Variants in NTM observed in about 807,000 individuals in gnomAD.
The protein encoded by NTM is neurotrimin.
A neutral mutation model predicts 42.1 loss-of-function variants in NTM; 13 were observed. The observed-to-expected ratio is 0.31, with a 90% CI of 0.20 to 0.49. NTM has a LOEUF of 0.49. Ranked by LOEUF, NTM falls within the 20% of genes least tolerant of loss-of-function variation. The pLI, the probability that NTM is intolerant of heterozygous loss-of-function variation, is 0.99. For synonymous variants in NTM, 187 were observed against 179.2 expected, an observed-to-expected ratio of 1.04 and a Z score of -0.35; for missense variants, 373 against 452.8, an observed-to-expected ratio of 0.82 and a Z score of 1.60.
At chr11:131,479,692 C>T (rs892727576) in intron 1 of NTM, among the ~76,000 whole-genome samples, 8 of 151,784 alleles carry the variant, frequency 5.3e-5, no homozygotes, top group South Asian at 2.1e-4. Context: ...AAGAAAGGGA[C>T]GATGAGGAAA....
At chr11:131,887,848 T>A (rs1286286092) in intron 1 of NTM, among the ~76,000 whole-genome samples, 1 of 152,214 alleles carries the variant, frequency 6.6e-6, no homozygotes, top group African/African-American at 2.4e-5. Context: ...ATAGCACTGT[T>A]CTAGGCACTT....
At position 131,864,422 on chromosome 11, in the gene NTM, T is replaced by G. The variant is rs1029282964; in HGVS notation, c.83-47142T>G. Among the ~76,000 whole-genome samples the G allele has an allele frequency of 3.9e-5, 6 of 152,158 alleles. No homozygotes were observed. In the South Asian group the frequency reaches 1.2e-3, roughly 32 times the overall value. On this transcript the variant is annotated intron_variant, in intron 1 of 8. Transcript: ENST00000683400. ...TCCCGCTGGACTGACTGGTTTCAATTAAGACTATCACAAAGGCTAATTATC... is the reference window on the plus strand; with the variant it reads ...TCCCGCTGGACTGACTGGTTTCAATGAAGACTATCACAAAGGCTAATTATC...
chr11:132,202,766 A>T (rs2081352099), intron 3 of NTM, among the ~76,000 whole-genome samples: 1 of 152,196 alleles, frequency 6.6e-6, no homozygotes, highest in Admixed American at 6.5e-5. Context: ...AGAGCTCATA[A>T]AGACTTCCTT....
At chr11:131,653,449 C>T (rs1432818921) in intron 1 of NTM, among the ~76,000 whole-genome samples, 1 of 152,210 alleles carries the variant, frequency 6.6e-6, no homozygotes, top group Non-Finnish European at 1.5e-5. Context: ...TCAAAACCTG[C>T]CTTTGCTTTG....
rs551189226 is a variant in NTM, at chr11:132,273,767, C to T, written c.527-33922C>T. 8.2e-4 allele frequency among the ~76,000 whole-genome samples: 125 copies of T among 152,066 alleles called. 1 individual carries two copies. Among genetic ancestry groups the T allele is most frequent in the African/African-American group, 2.8e-3 (118 of 41,498 alleles). On this transcript the variant is annotated intron_variant, in intron 4 of 8. Transcript: ENST00000683400. ...ACTAAAAATACAAAAAATTAGCCAGCGTGGTGGTGCATGCCTGTAATCCCA... is the reference window on the plus strand; with the variant it reads ...ACTAAAAATACAAAAAATTAGCCAGTGTGGTGGTGCATGCCTGTAATCCCA...
chr11:131,402,766 A>G (rs551150262), intron 1 of NTM, among the ~76,000 whole-genome samples: 23 of 152,304 alleles, frequency 1.5e-4, no homozygotes, highest in African/African-American at 5.3e-4. Context: ...GTACTATTGA[A>G]TCTTTACCAG....
At chr11:131,874,816 A>G (rs761308118) in intron 1 of NTM, among the ~76,000 whole-genome samples, 14 of 152,232 alleles carry the variant, frequency 9.2e-5, no homozygotes, top group Non-Finnish European at 2.1e-4. Context: ...AAAGGATCAT[A>G]ATACCAATTC....
intron 1 of NTM, among the ~76,000 whole-genome samples, chr11:131,647,740 T>C (rs1439528182): frequency 6.6e-6 from 1 of 152,206 alleles, no homozygotes; most frequent in Non-Finnish European, 1.5e-5. Context: ...TATACCATGC[T>C]GGGTCAAAAT....
intron 3 of NTM, among the ~76,000 whole-genome samples, chr11:132,209,033 G>A (rs1244304376): frequency 1.3e-5 from 2 of 152,086 alleles, no homozygotes; most frequent in African/African-American, 2.4e-5. Flanking sequence ...GGTTGGTGTT[G>A]GGGGGTGGGG....
chr11:131,804,704 G>A (rs1272809407), intron 1 of NTM, among the ~76,000 whole-genome samples: 1 of 152,124 alleles, frequency 6.6e-6, no homozygotes, highest in African/African-American at 2.4e-5. Context: ...CGCATACTAT[G>A]TCTCTATTGC....
At chr11:131,504,599 A>G (rs891755675) in intron 1 of NTM, among the ~76,000 whole-genome samples, 10 of 151,954 alleles carry the variant, frequency 6.6e-5, no homozygotes, top group African/African-American at 2.2e-4. Flanking sequence ...TGTTACCAAA[A>G]TTGTGTGTGC....
chr11:131,518,072 G>A (rs2049123581), intron 1 of NTM, among the ~76,000 whole-genome samples: 1 of 152,144 alleles, frequency 6.6e-6, no homozygotes, highest in Non-Finnish European at 1.5e-5. Context: ...ATTATTCTCA[G>A]AGTGTTGAGA....
Position 132,146,662 on chromosome 11 carries a change from A to G in NTM, c.400+148A>G. The G allele has an allele frequency of 1.4e-6, 1 of 729,630 alleles. No individual in the cohort carries two copies. Among genetic ancestry groups the G allele is most frequent in the Admixed American group, 3.3e-5 (1 of 29,966 alleles). The allele number at this position is 729,630 out of a possible 1,614,324, so 45.2% of individuals were successfully genotyped here. ...GGCACATTTCTGGTTGTCATTTTGC[A>G]GTTAGAAGCTAAATTTTCCAGTCAT... On this transcript the variant is annotated intron_variant, in intron 3 of 8. Coordinates refer to ENST00000683400, the MANE Select transcript of NTM (RefSeq NM_001352005.2). This position sits in a 1 kb window ranked among gnomAD's most constrained non-coding sequence, Gnocchi z 4.5.
chr11:132,268,102 A>G (rs1195276992), intron 4 of NTM, among the ~76,000 whole-genome samples: 1 of 152,180 alleles, frequency 6.6e-6, no homozygotes, highest in Non-Finnish European at 1.5e-5. Context: ...AATGACTTTA[A>G]CAAATTTTTA....
chr11:132,043,958 A>ATGTGTG (rs71067353), intron 2 of NTM, among the ~76,000 whole-genome samples: 4,187 of 146,284 alleles, frequency 0.029, 61 homozygotes, highest in Middle Eastern at 0.11. Flanking sequence ...GACACCAACT[A>ATGTGTG]TGTGTGTGTG....
intron 2 of NTM, among the ~76,000 whole-genome samples, chr11:131,958,439 G>T (rs2061786235): frequency 6.6e-6 from 1 of 152,094 alleles, no homozygotes; most frequent in Admixed American, 6.5e-5. Flanking sequence ...CTGACTTCAA[G>T]AACTTCCCTA....
At chr11:131,958,835 C>A (rs904656769) in intron 2 of NTM, among the ~76,000 whole-genome samples, 2 of 152,014 alleles carry the variant, frequency 1.3e-5, no homozygotes, top group African/African-American at 4.8e-5. Flanking sequence ...TTTATGGTGA[C>A]GAAATGAAGG....
At chr11:131,822,139 T>G (rs1481794983) in intron 1 of NTM, among the ~76,000 whole-genome samples, 1 of 152,222 alleles carries the variant, frequency 6.6e-6, no homozygotes, top group Non-Finnish European at 1.5e-5. Flanking sequence ...TGTTGTCTTC[T>G]TCTTAGCAGT....
intron 1 of NTM, among the ~76,000 whole-genome samples, chr11:131,641,959 T>C (rs1405787717): frequency 6.6e-6 from 1 of 152,128 alleles, no homozygotes; most frequent in Non-Finnish European, 1.5e-5. Context: ...TCTCCTGACC[T>C]CATGATCCAC....
Sources: gnomAD v4.1 joint callset for allele counts (sites outside exome capture counted in the v4.1 genomes callset) on GRCh38, gnomAD v4.1.1 for gene constraint, Gnocchi (gnomAD v3.1) non-coding constraint, MANE v1.5 for transcripts, NCBI Gene and HGNC (gene_info 2026-07-23, HGNC 2026-07-21) for gene names.